The following ATE1 variants were observed in gnomAD, a reference collection of about 807,000 sequenced individuals.
ATE1 encodes the protein arginyl-tRNA--protein transferase 1.
ATE1 carries 36 observed loss-of-function variants against 70.5 expected under a neutral mutation model. The ratio of observed to expected loss-of-function variants is 0.51; its 90% confidence interval spans 0.39 to 0.67. ATE1 has a LOEUF of 0.67. Among genes scored for constraint, ATE1 ranks in the 30% least tolerant of loss-of-function variants. The pLI, the probability that ATE1 is intolerant of heterozygous loss-of-function variation, is 0.00. For synonymous variants in ATE1, 232 were observed against 219.3 expected, an observed-to-expected ratio of 1.06 and a Z score of -0.51; for missense variants, 593 against 629.5, an observed-to-expected ratio of 0.94 and a Z score of 0.62.
chr10:121,775,354 T>C (rs560631944), intron 11 of ATE1, among the ~76,000 whole-genome samples: 18 of 151,844 alleles, frequency 1.2e-4, no homozygotes, highest in Non-Finnish European at 2.4e-4. Context: ...TTAGGGCAAA[T>C]ACCTAATGCA....
intron 8 of ATE1, among the ~76,000 whole-genome samples, chr10:121,863,932 T>C (rs1389908015): frequency 6.6e-6 from 1 of 152,200 alleles, no homozygotes; most frequent in African/African-American, 2.4e-5. Flanking sequence ...CGTATAGTAG[T>C]GTTTTACTCT....
intron 3 of ATE1, among the ~76,000 whole-genome samples, chr10:121,921,110 T>C (rs1028845752): frequency 6.6e-6 from 1 of 151,962 alleles, no homozygotes; most frequent in African/African-American, 2.4e-5. Context: ...GGGGTATAGG[T>C]ACAGGCTGGT....
intron 8 of ATE1, among the ~76,000 whole-genome samples, chr10:121,860,907 CA>C (rs1171011804): frequency 3.3e-5 from 5 of 152,148 alleles, no homozygotes; most frequent in Non-Finnish European, 5.9e-5. Context: ...TTAACGTCGT[CA>C]GTTCAATTTG....
intron 3 of ATE1, among the ~76,000 whole-genome samples, chr10:121,919,927 T>C (rs2134568028): frequency 6.6e-6 from 1 of 152,052 alleles, no homozygotes; most frequent in South Asian, 2.1e-4. Context: ...ATGTTACATA[T>C]TTTTGTCTAC....
chr10:121,784,611 A>G (rs1288830523), intron 11 of ATE1, among the ~76,000 whole-genome samples: 1 of 152,212 alleles, frequency 6.6e-6, no homozygotes, highest in African/African-American at 2.4e-5. Context: ...TGATCCCAGC[A>G]CTTTGGGAGG....
intron 1 of ATE1, 52 bp downstream of exon 1, chr10:121,927,792 T>A (rs2134684440): frequency 6.6e-7 from 1 of 1,513,976 alleles, no homozygotes; most frequent in East Asian, 2.7e-5. Flanking sequence ...GACCCTGGGA[T>A]CCCGAGACCC....
At chr10:121,840,741 T>A (rs1291663101) in intron 9 of ATE1, among the ~76,000 whole-genome samples, 6 of 150,972 alleles carry the variant, frequency 4.0e-5, no homozygotes, top group African/African-American at 1.5e-4. Flanking sequence ...ATACATAATA[T>A]TTACTTATAT....
At chr10:121,877,016 C>T (rs1473180233) in intron 7 of ATE1, among the ~76,000 whole-genome samples, 1 of 150,406 alleles carries the variant, frequency 6.6e-6, no homozygotes, top group Non-Finnish European at 1.5e-5. Flanking sequence ...CAGCAGCAAA[C>T]AAAATCATCA....
intron 11 of ATE1, chr10:121,782,735 AG>A (rs1467899644): frequency 1.3e-5 from 2 of 152,232 alleles, no homozygotes; most frequent in Admixed American, 1.3e-4. Flanking sequence ...TCAGTGGGCC[AG>A]GAAAGGCAGA....
intron 11 of ATE1, among the ~76,000 whole-genome samples, chr10:121,785,214 A>C (rs1946156542): frequency 6.6e-6 from 1 of 152,150 alleles, no homozygotes; most frequent in African/African-American, 2.4e-5. Flanking sequence ...TTACCTTCAG[A>C]AGTATTAAAA....
At chr10:121,870,378 A>G (rs944889321) in intron 7 of ATE1, among the ~76,000 whole-genome samples, 6 of 152,346 alleles carry the variant, frequency 3.9e-5, no homozygotes, top group African/African-American at 1.2e-4. Context: ...AAAATCAGCA[A>G]TCTTCCTGAC....
chr10:121,768,462 G>C (rs1046253440), intron 11 of ATE1, among the ~76,000 whole-genome samples: 5 of 152,084 alleles, frequency 3.3e-5, no homozygotes, highest in African/African-American at 1.2e-4. Flanking sequence ...GGTCAGAGAG[G>C]AGGGGCTGGG....
intron 10 of ATE1, among the ~76,000 whole-genome samples, chr10:121,826,356 A>G (rs1014071738): frequency 3.3e-5 from 5 of 152,108 alleles, no homozygotes; most frequent in African/African-American, 1.2e-4. Context: ...GCCAGGCTGG[A>G]GTGCAGTGGC....
intron 10 of ATE1, among the ~76,000 whole-genome samples, chr10:121,818,190 G>A (rs1947635660): frequency 7.5e-6 from 1 of 132,962 alleles, no homozygotes; most frequent in Admixed American, 8.9e-5. Flanking sequence ...CTGAAAGGCA[G>A]AGCTTACAGT....
At chr10:121,786,838 A>G (rs189190996) in intron 11 of ATE1, among the ~76,000 whole-genome samples, 1 of 152,290 alleles carries the variant, frequency 6.6e-6, no homozygotes, top group Admixed American at 6.5e-5. Context: ...TTAAAAAAAT[A>G]CACACAGATA....
At chr10:121,915,075 A>G (rs1951592297) in intron 3 of ATE1, among the ~76,000 whole-genome samples, 1 of 152,216 alleles carries the variant, frequency 6.6e-6, no homozygotes, top group African/African-American at 2.4e-5. Context: ...AAGAGCCTCC[A>G]CTGAAAAGAT....
At chr10:121,750,692 A>G (rs981052529) in intron 11 of ATE1, among the ~76,000 whole-genome samples, 23 of 152,238 alleles carry the variant, frequency 1.5e-4, no homozygotes, top group Non-Finnish European at 2.9e-5. Flanking sequence ...GGCTTTCCAA[A>G]AATTAATGAA....
intron 7 of ATE1, chr10:121,899,090 A>G (rs1212162652): frequency 8.4e-7 from 1 of 1,184,792 alleles, no homozygotes; most frequent in Non-Finnish European, 1.2e-6. Flanking sequence ...CGAATTTGTC[A>G]TGAAAAGAAA....
At chr10:121,801,370 T>C (rs1407631027) in intron 10 of ATE1, among the ~76,000 whole-genome samples, 1 of 152,178 alleles carries the variant, frequency 6.6e-6, no homozygotes, top group African/African-American at 2.4e-5. Flanking sequence ...ATCACAATCT[T>C]TGCTTTTATT....
Sources: allele counts gnomAD v4.1 joint callset (sites outside exome capture counted in the v4.1 genomes callset), GRCh38; gene constraint gnomAD v4.1.1; transcripts MANE v1.5; gene names NCBI Gene and HGNC (gene_info 2026-07-23, HGNC 2026-07-21).